Variants in HACD4 observed in about 807,000 individuals in gnomAD.
HACD4 encodes 3-hydroxyacyl-CoA dehydratase 4.
Under a neutral mutation model 33.3 loss-of-function variants are expected in HACD4, and 35 were observed. The observed-to-expected ratio is 1.05, with a 90% CI of 0.80 to 1.39. The LOEUF (loss-of-function observed/expected upper bound fraction) is 1.39, where lower values mean the gene tolerates loss of function less well. HACD4 is among the 40% of genes most tolerant of loss of function. HACD4 has a pLI of 0.00. For missense variants in HACD4, 323 were observed against 276.5 expected (o/e 1.17, Z -1.19); for synonymous variants, 118 against 98.0 (o/e 1.20, Z -1.21).
At chr9:21,031,413 A>C in intron 1 of HACD4, 140 bp downstream of exon 1, 1 of 1,309,166 alleles carries the variant, frequency 7.6e-7, no homozygotes, top group Non-Finnish European at 9.7e-7. Flanking sequence ...CATGAGCTCC[A>C]AGGGGTGCCT....
At chr9:21,019,773 C>G (rs953176730) in intron 3 of HACD4, among the ~76,000 whole-genome samples, 1 of 152,042 alleles carries the variant, frequency 6.6e-6, no homozygotes, top group African/African-American at 2.4e-5. Context: ...TGTTACAACT[C>G]AACACTGTCT....
chr9:21,015,967 T>C lies in HACD4; in HGVS notation c.314A>G (p.Gln105Arg). ...CACATATTTCTCTTGGACTTCCTCT[T>C]GACTGGTGATCACCACAAAAAGGAT... ...IIILFVVITS[Q>R]EEVQEKYVVC... Residue 105 changes from glutamine to arginine, a missense_variant, in exon 4 of 7, where the codon CAA becomes CGA. Coordinates refer to ENST00000495827, the MANE Select transcript of HACD4 (RefSeq NM_001010915.5). The C allele has an allele frequency of 6.2e-7, 1 of 1,613,396 alleles. No homozygotes were observed. Among genetic ancestry groups the C allele is most frequent in the Non-Finnish European group, 8.5e-7 (1 of 1,179,518 alleles).
At chr9:21,009,022 A>G (rs1217879340) in intron 5 of HACD4, among the ~76,000 whole-genome samples, 1 of 152,190 alleles carries the variant, frequency 6.6e-6, no homozygotes, top group Non-Finnish European at 1.5e-5. Context: ...TATGCAGTTT[A>G]AGGTTAACAC....
Position 21,000,955 on chromosome 9 carries a change from A to T in HACD4, c.*6082T>A, listed in dbSNP as rs954849580. 4 of 150,306 alleles carry T rather than the reference A, an allele frequency of 2.7e-5. No homozygotes were observed. Among genetic ancestry groups the T allele is most frequent in the South Asian group, 2.1e-4 (1 of 4,788 alleles). The allele number at this position is 150,306 out of a possible 1,614,324, so 9.3% of individuals were successfully genotyped here. A position where few individuals can be genotyped will look rare whatever the true frequency, so the allele number is the denominator to read the frequency against. ...AGGCAGGCAAAGTAAGGAATAGTTTAAAAAAAAACATTAACTTAGGGACCT... is the reference window on the plus strand; with the variant it reads ...AGGCAGGCAAAGTAAGGAATAGTTTTAAAAAAAACATTAACTTAGGGACCT... On this transcript the variant is annotated 3_prime_UTR_variant, in exon 7 of 7. Transcript: ENST00000495827.
chr9:21,017,673 T>G (rs927755808), intron 3 of HACD4: 15 of 152,142 alleles, frequency 9.9e-5, no homozygotes, highest in Non-Finnish European at 1.6e-4. Flanking sequence ...AAAATACAGA[T>G]TTCTAATTAC....
At chr9:21,011,058 G>C (rs557997621) in intron 5 of HACD4, among the ~76,000 whole-genome samples, 24 of 152,120 alleles carry the variant, frequency 1.6e-4, no homozygotes, top group Non-Finnish European at 2.6e-4. Context: ...TCATGGCCTA[G>C]TTTGGGGGCC....
At chr9:21,024,389 G>A (rs545973640) in intron 3 of HACD4, among the ~76,000 whole-genome samples, 6 of 152,304 alleles carry the variant, frequency 3.9e-5, no homozygotes, top group East Asian at 1.9e-4. Flanking sequence ...TTTGCACTCC[G>A]ATAACATCAG....
intron 3 of HACD4, chr9:21,018,054 A>G (rs1274663265): frequency 1.3e-5 from 2 of 152,190 alleles, no homozygotes; most frequent in African/African-American, 4.8e-5. Context: ...CACAACACAC[A>G]TACACACGAG....
At position 21,007,089 on chromosome 9, in the gene HACD4, G is replaced by A; in HGVS notation, c.647C>T (p.Ser216Leu). The stretch of plus-strand genomic sequence containing the variant: ...GATTCCGAGGATGTCTCTTCTTTCT[G>A]AGTATAGATGACTGTAGGTAAAATA... ...GMYFTYSHLY[S>L]ERRDILGIFP... is the part of the protein sequence containing the mutation. The change falls in exon 7 of 7, where the codon TCA (serine) becomes TTA (leucine). Residue 216 changes from serine to leucine, a missense_variant. Physicochemically the swap from Ser to Leu is moderately radical, Grantham distance 145. Transcript: ENST00000495827. 6.3e-7 allele frequency: 1 copy of A among 1,580,788 alleles called. No homozygotes were observed. Among genetic ancestry groups the A allele is most frequent in the Admixed American group, 1.7e-5 (1 of 59,962 alleles).
chr9:21,027,453 C>T (rs943293272), intron 2 of HACD4, among the ~76,000 whole-genome samples: 1 of 152,210 alleles, frequency 6.6e-6, no homozygotes, highest in African/African-American at 2.4e-5. Context: ...ATTTTGCTCT[C>T]TTTACTGCCC....
chr9:21,021,961 G>A (rs1017237753), intron 3 of HACD4, among the ~76,000 whole-genome samples: 7 of 152,050 alleles, frequency 4.6e-5, no homozygotes, highest in South Asian at 2.1e-4. Context: ...GAGGCATCAC[G>A]CTACCTGACT....
At chr9:21,027,366 G>C (rs74912033) in intron 2 of HACD4, among the ~76,000 whole-genome samples, 4,170 of 152,306 alleles carry the variant, frequency 0.027, 72 homozygotes, top group Middle Eastern at 0.041. Flanking sequence ...GGAAACAAAT[G>C]TTCCTCTACA....
intron 4 of HACD4, chr9:21,015,664 T>A: frequency 2.8e-6 from 1 of 355,546 alleles, no homozygotes; most frequent in Non-Finnish European, 5.1e-6. Context: ...CCAAGCCTTC[T>A]GCAGAAACCT....
intron 4 of HACD4, 104 bp from the exon 5 acceptor site, chr9:21,011,799 C>A (rs1842445699): frequency 4.9e-6 from 3 of 617,196 alleles, no homozygotes; most frequent in African/African-American, 1.9e-5. Context: ...GGAAAGTGTA[C>A]AAATTGTATA....
rs931539498 is a variant in HACD4, at chr9:21,003,253, A to T, written c.*3784T>A. On this transcript the variant is annotated 3_prime_UTR_variant, in exon 7 of 7. Transcript: ENST00000495827. ...AGTTTTTAAGTTAATCTGGTTTTAAAAAATTAAAGCATTATTTAATAATGA... is the reference window on the plus strand; with the variant it reads ...AGTTTTTAAGTTAATCTGGTTTTAATAAATTAAAGCATTATTTAATAATGA... 2.0e-5 allele frequency: 3 copies of T among 152,136 alleles called. No homozygotes were observed. The highest frequency in any genetic ancestry group is 2.0e-4 in the Admixed American group (3 of 15,262). The allele number at this position is 152,136 out of a possible 1,614,324, so 9.4% of individuals were successfully genotyped here.
chr9:21,031,603 C>G lies in HACD4; in HGVS notation c.-13G>C, dbSNP rs1378611962. On this transcript the variant is annotated 5_prime_UTR_variant, in exon 1 of 7. Coordinates refer to ENST00000495827, the MANE Select transcript of HACD4 (RefSeq NM_001010915.5). ...CCAAGGGCCCCATGGGCCGCCGCCG[C>G]CAGGGCTTCCAGCGCGGTCCAGGAA... is the stretch of plus-strand genomic sequence containing the variant. 2.8e-6 allele frequency: 4 copies of G among 1,420,848 alleles called. No homozygotes were observed. Among genetic ancestry groups the G allele is most frequent in the African/African-American group, 1.5e-5 (1 of 66,560 alleles). The allele number at this position is 1,420,848 out of a possible 1,614,324, so 88.0% of individuals were successfully genotyped here.
intron 5 of HACD4, among the ~76,000 whole-genome samples, chr9:21,008,439 C>A (rs1453338934): frequency 6.6e-6 from 1 of 152,078 alleles, no homozygotes; most frequent in Non-Finnish European, 1.5e-5. Flanking sequence ...ATTTGTCCAC[C>A]TAGCCACAAA....
chr9:21,011,844 T>C (rs1249446303), intron 4 of HACD4, 149 bp from the exon 5 acceptor site: 1 of 551,238 alleles, frequency 1.8e-6, no homozygotes, highest in African/African-American at 1.9e-5. Context: ...GAGTTTTTTT[T>C]AAATGGGGGA....
rs931435367 is a variant in HACD4 at position 21,031,608 on chromosome 9, G to A, written c.-18C>T. ...GGCCCCATGGGCCGCCGCCGCCAGG[G>A]CTTCCAGCGCGGTCCAGGAAGGAGT... On this transcript the variant is annotated 5_prime_UTR_variant, in exon 1 of 7. Transcript: ENST00000495827. 5.6e-6 allele frequency: 8 copies of A among 1,417,354 alleles called. 1 individual carries two copies. In the African/African-American group the frequency reaches 1.1e-4, roughly 19 times the overall value. The allele number at this position is 1,417,354 out of a possible 1,614,324, so 87.8% of individuals were successfully genotyped here. A position where few individuals can be genotyped will look rare whatever the true frequency, so the allele number is the denominator to read the frequency against.
Sources: allele counts gnomAD v4.1 joint callset (sites outside exome capture counted in the v4.1 genomes callset), GRCh38; gene constraint gnomAD v4.1.1; transcripts MANE v1.5; gene names NCBI Gene and HGNC (gene_info 2026-07-23, HGNC 2026-07-21).